CCDC40: variants seen among roughly 807,000 people sequenced by gnomAD.
CCDC40 encodes the protein coiled-coil domain-containing protein 40.
CCDC40 carries 104 observed loss-of-function variants against 124.5 expected under a neutral mutation model. The observed-to-expected ratio is 0.84, with a 90% CI of 0.71 to 0.98. CCDC40 has a LOEUF of 0.98. CCDC40 is among the 50% of genes least tolerant of loss of function. CCDC40 has a pLI of 0.00. For synonymous variants in CCDC40, 580 were observed against 602.9 expected, an observed-to-expected ratio of 0.96 and a Z score of 0.56; for missense variants, 1,463 against 1,503.9, an observed-to-expected ratio of 0.97 and a Z score of 0.45.
intron 10 of CCDC40, chr17:80,067,728 C>T (rs1202583666): frequency 6.6e-7 from 1 of 1,520,850 alleles, no homozygotes. Flanking sequence ...GCCTATCAAG[C>T]CCGGAATGTC....
At chr17:80,055,509 T>G (rs2037712991) in intron 7 of CCDC40, among the ~76,000 whole-genome samples, 1 of 152,092 alleles carries the variant, frequency 6.6e-6, no homozygotes, top group Admixed American at 6.6e-5. Flanking sequence ...CAATAAATGT[T>G]ATGAAAGGTC....
intron 4 of CCDC40, chr17:80,048,302 C>T: frequency 2.1e-6 from 1 of 471,186 alleles, no homozygotes; most frequent in Non-Finnish European, 3.9e-6. Context: ...TAAGTGGCCA[C>T]CTTTCTGTTC....
chr17:80,067,700 T>C, intron 10 of CCDC40: 1 of 1,530,626 alleles, frequency 6.5e-7, no homozygotes, highest in Non-Finnish European at 8.8e-7. Flanking sequence ...CAGGATGCTA[T>C]ATAGCCTTTT....
chr17:80,099,541 C>T lies in CCDC40; in HGVS notation c.3195C>T (p.Ile1065=), dbSNP rs756535439. 6.8e-6 allele frequency: 11 copies of T among 1,610,108 alleles called. No individual in the cohort carries two copies. Among genetic ancestry groups the T allele is most frequent in the Middle Eastern group, 3.3e-4 (2 of 6,082 alleles). Residue 1065 remains isoleucine, a synonymous_variant, in exon 20 of 20, where the codon ATC becomes ATT. Transcript: ENST00000397545. ...GALKRQNLSE[I]VALQTRLKHL... ...TTCCTACCCAGAACCTTTCAGAGAT[C>T]GTGGCCCTGCAGACACGCCTTAAGC...
chr17:80,064,482 A>G (rs1211082631), intron 9 of CCDC40, among the ~76,000 whole-genome samples: 1 of 151,784 alleles, frequency 6.6e-6, no homozygotes, highest in Non-Finnish European at 1.5e-5. Context: ...AACTCACTTG[A>G]CCCGGCAGCC....
chr17:80,048,417 G>A (rs2037486301), intron 4 of CCDC40, 166 bp from the exon 5 acceptor site: 1 of 678,746 alleles, frequency 1.5e-6, no homozygotes, highest in Non-Finnish European at 2.7e-6. Context: ...ATAGAAGATG[G>A]GGTGAATGAT....
Position 80,099,612 on chromosome 17 carries a change from C to G in CCDC40, c.3266C>G (p.Ser1089Cys). 1 of 1,613,794 alleles carries G rather than the reference C, an allele frequency of 6.2e-7. No homozygotes were observed. Among genetic ancestry groups the G allele is most frequent in the Non-Finnish European group, 8.5e-7 (1 of 1,180,020 alleles). ...KEGRYVFLFR[S>C]KQSLVLERQR... The stretch of plus-strand genomic sequence containing the variant: ...GGGCGCTACGTGTTCCTGTTCCGCT[C>G]CAAGCAGTCCCTAGTGCTGGAGCGC... Residue 1089 changes from serine to cysteine, a missense_variant, in exon 20 of 20, where the codon TCC becomes TGC. Ser to Cys is a moderately radical substitution (Grantham distance 112). Coordinates refer to ENST00000397545, the MANE Select transcript of CCDC40 (RefSeq NM_017950.4).
rs201721132 is a variant in CCDC40 at position 80,090,409 on chromosome 17, GAC to G, written c.2832+533_2832+534del. The G allele has an allele frequency of 3.9e-4, 334 of 847,070 alleles. 5 individuals are homozygous for G. The East Asian group carries it at 6.9e-3, about 17-fold the overall frequency. 52.5% of individuals were successfully genotyped at this position (847,070 alleles called of 1,614,324 possible). On this transcript the variant is annotated intron_variant, in intron 17 of 19. Transcript: ENST00000397545. ...CACAGCACGTGCATGAACAACACAG[GAC>G]ACACACAGCACGTGCATGAACAACA...
intron 2 of CCDC40, 73 bp from the exon 3 acceptor site, chr17:80,039,739 A>G: frequency 2.6e-6 from 4 of 1,551,864 alleles, no homozygotes; most frequent in Non-Finnish European, 1.7e-6. Context: ...ATATAATTAC[A>G]CTATAAAGAA....
At chr17:80,075,580 T>C (rs1359652817) in intron 10 of CCDC40, among the ~76,000 whole-genome samples, 1 of 152,146 alleles carries the variant, frequency 6.6e-6, no homozygotes, top group African/African-American at 2.4e-5. Flanking sequence ...CCCGGGTTAG[T>C]GGAACATGCA....
At chr17:80,091,342 C>CAGAGAGAG (rs146101730) in intron 17 of CCDC40, among the ~76,000 whole-genome samples, 29 of 144,902 alleles carry the variant, frequency 2.0e-4, no homozygotes, top group Admixed American at 3.5e-4. Flanking sequence ...CACACACACA[C>CAGAGAGAG]AGAGAGAGAG....
chr17:80,073,698 T>C (rs1448053533), intron 10 of CCDC40, among the ~76,000 whole-genome samples: 3 of 151,902 alleles, frequency 2.0e-5, no homozygotes, highest in Non-Finnish European at 4.4e-5. Context: ...TCTCACTTTA[T>C]TTTTATTTTA....
chr17:80,040,317 G>C lies in CCDC40; in HGVS notation c.552+47G>C, dbSNP rs763362422. 35 of 1,551,028 alleles carry C rather than the reference G, an allele frequency of 2.3e-5. No homozygotes were observed. In the Admixed American group the frequency reaches 6.2e-4, roughly 27 times the overall value. On this transcript the variant is annotated intron_variant, in intron 3 of 19. Transcript: ENST00000397545. ...TTTGTGCCAGTGTCGCACGGCCCAC[G>C]GGGTTTGTCACCCTATGTGAGGAAC...
At chr17:80,038,474 T>A (rs2037186621) in intron 2 of CCDC40, among the ~76,000 whole-genome samples, 1 of 151,232 alleles carries the variant, frequency 6.6e-6, no homozygotes, top group African/African-American at 2.4e-5. Context: ...GAGGTTGCAG[T>A]GAGCCAAGAT....
In CCDC40 at chr17:80,100,507, T is replaced by C. The variant is rs2038902833; in HGVS notation, c.*732T>C. ...TTCTCCCTGGACTTCCAAGTACCAA[T>C]GACCTTGGGGCTTCTTTGCAGTTTA... On this transcript the variant is annotated 3_prime_UTR_variant, in exon 20 of 20. Coordinates refer to ENST00000397545, the MANE Select transcript of CCDC40 (RefSeq NM_017950.4). 6.6e-6 allele frequency: 1 copy of C among 152,298 alleles called. No homozygotes were observed. Among genetic ancestry groups the C allele is most frequent in the South Asian group, 2.1e-4 (1 of 4,842 alleles). 9.4% of individuals were successfully genotyped at this position (152,298 alleles called of 1,614,324 possible).
chr17:80,096,779 G>A (rs1445344842), intron 18 of CCDC40, among the ~76,000 whole-genome samples: 1 of 152,204 alleles, frequency 6.6e-6, no homozygotes, highest in Non-Finnish European at 1.5e-5. Flanking sequence ...AACACTGCCT[G>A]CCCGGCTTTT....
intron 10 of CCDC40, among the ~76,000 whole-genome samples, chr17:80,080,973 G>T (rs1305728623): frequency 6.6e-6 from 1 of 152,172 alleles, no homozygotes; most frequent in Admixed American, 6.5e-5. Flanking sequence ...TAGATGGCCG[G>T]TTCCCCTGAT....
Position 80,089,888 on chromosome 17 carries a change from A to T in CCDC40, c.2832+4A>T, listed in dbSNP as rs756602466. On this transcript the variant is annotated splice_donor_region_variant and intron_variant, in intron 17 of 19. Coordinates refer to ENST00000397545, the MANE Select transcript of CCDC40 (RefSeq NM_017950.4). ...GGGCGAGATCCACAGGATGAAGGTG[A>T]GGGGAGGAGAGCGGCGTGGCAGGGC... 12 of 1,613,960 alleles carry T rather than the reference A, an allele frequency of 7.4e-6. No homozygotes were observed. The highest frequency in any genetic ancestry group is 1.0e-5 in the Non-Finnish European group (12 of 1,179,980).
At chr17:80,078,557 C>T (rs1485385687) in intron 10 of CCDC40, among the ~76,000 whole-genome samples, 3 of 152,134 alleles carry the variant, frequency 2.0e-5, no homozygotes, top group Non-Finnish European at 4.4e-5. Flanking sequence ...TATTGAAATC[C>T]TGTGACACCT....
Sources: allele counts gnomAD v4.1 joint callset (sites outside exome capture counted in the v4.1 genomes callset), GRCh38; gene constraint gnomAD v4.1.1; transcripts MANE v1.5; gene names NCBI Gene and HGNC (gene_info 2026-07-23, HGNC 2026-07-21).